SEC22A: variants seen among roughly 807,000 people sequenced by gnomAD.
SEC22A encodes the protein vesicle-trafficking protein SEC22a.
Under a neutral mutation model 35.3 loss-of-function variants are expected in SEC22A, and 22 were observed. The ratio of observed to expected loss-of-function variants is 0.62; its 90% CI spans 0.45 to 0.89. The LOEUF (loss-of-function observed/expected upper bound fraction) is 0.89. Ranked by LOEUF, SEC22A falls within the 40% of genes least tolerant of loss-of-function variation. The probability of loss-of-function intolerance (pLI) is 0.00; values close to 1 mark genes in which losing one functional copy is unlikely to be tolerated. For synonymous variants in SEC22A, 119 were observed against 129.5 expected, an observed-to-expected ratio of 0.92 and a Z score of 0.55; for missense variants, 354 against 362.5, an observed-to-expected ratio of 0.98 and a Z score of 0.19.
At chr3:123,261,816 C>T (rs1357417827) in intron 6 of SEC22A, among the ~76,000 whole-genome samples, 1 of 152,176 alleles carries the variant, frequency 6.6e-6, no homozygotes, top group Non-Finnish European at 1.5e-5. Flanking sequence ...AAACCCAGAT[C>T]TTTGTGACTT....
At chr3:123,257,814 C>A (rs887273574) in intron 5 of SEC22A, among the ~76,000 whole-genome samples, 6 of 151,658 alleles carry the variant, frequency 4.0e-5, no homozygotes, top group African/African-American at 1.2e-4. Context: ...CGCAGTGAAA[C>A]CCCATCTCTA....
At chr3:123,222,948 C>T (rs1000857138) in intron 2 of SEC22A, among the ~76,000 whole-genome samples, 14 of 152,224 alleles carry the variant, frequency 9.2e-5, no homozygotes, top group African/African-American at 2.7e-4. Flanking sequence ...ACTTCCTCTA[C>T]GTTTACCAGT....
chr3:123,226,774 C>T (rs959982778), intron 4 of SEC22A, among the ~76,000 whole-genome samples: 1 of 152,158 alleles, frequency 6.6e-6, no homozygotes, highest in African/African-American at 2.4e-5. Context: ...GGGTATTACT[C>T]AAGAGATCTT....
chr3:123,259,710 T>C (rs1937834400), intron 6 of SEC22A, 121 bp downstream of exon 6: 2 of 727,676 alleles, frequency 2.7e-6, no homozygotes, highest in East Asian at 5.4e-5. Flanking sequence ...TCTCTTTTAA[T>C]TTGAGCCTCT....
chr3:123,271,009 C>T (rs1938147705), intron 6 of SEC22A, among the ~76,000 whole-genome samples: 2 of 152,170 alleles, frequency 1.3e-5, no homozygotes, highest in African/African-American at 4.8e-5. Flanking sequence ...AATGAATTCT[C>T]CCTCAAATGT....
intron 6 of SEC22A, among the ~76,000 whole-genome samples, chr3:123,266,589 CTTG>C (rs1315677294): frequency 2.6e-5 from 4 of 151,958 alleles, no homozygotes; most frequent in Admixed American, 6.5e-5. Context: ...TGAAGATTTT[CTTG>C]TTATCTTTCC....
chr3:123,215,795 A>G (rs1051849283), intron 2 of SEC22A, among the ~76,000 whole-genome samples: 2 of 152,150 alleles, frequency 1.3e-5, no homozygotes, highest in African/African-American at 4.8e-5. Context: ...AATTCTCCCA[A>G]TTCTTTTCAC....
At chr3:123,263,991 G>A (rs1937962037) in intron 6 of SEC22A, among the ~76,000 whole-genome samples, 1 of 151,892 alleles carries the variant, frequency 6.6e-6, no homozygotes, top group South Asian at 2.1e-4. Flanking sequence ...TGCCATCACA[G>A]CCTCACCGCA....
chr3:123,231,680 T>G (rs1241331409), intron 4 of SEC22A, among the ~76,000 whole-genome samples: 1 of 151,988 alleles, frequency 6.6e-6, no homozygotes, highest in Non-Finnish European at 1.5e-5. Context: ...AAAGCTAAAT[T>G]TAGAGGAAAA....
chr3:123,219,438 G>A (rs890218716), intron 2 of SEC22A, among the ~76,000 whole-genome samples: 17 of 152,204 alleles, frequency 1.1e-4, no homozygotes, highest in Non-Finnish European at 1.5e-4. Context: ...ATGGAAGTTG[G>A]TATTGTATTG....
At chr3:123,210,590 A>G (rs544330369) in intron 2 of SEC22A, among the ~76,000 whole-genome samples, 5 of 152,322 alleles carry the variant, frequency 3.3e-5, no homozygotes, top group Admixed American at 6.5e-5. Context: ...GAGGACAAGT[A>G]TAGACATTTA....
At chr3:123,205,802 A>G (rs6438784) in intron 1 of SEC22A, among the ~76,000 whole-genome samples, 4 of 152,076 alleles carry the variant, frequency 2.6e-5, no homozygotes, top group Non-Finnish European at 4.4e-5. Context: ...GCTCTTTTCA[A>G]CTGAGTTTCT....
intron 4 of SEC22A, among the ~76,000 whole-genome samples, chr3:123,244,408 T>A (rs868386071): frequency 6.6e-5 from 10 of 152,220 alleles, no homozygotes; most frequent in African/African-American, 2.4e-4. Flanking sequence ...TTAAAGGCTT[T>A]TATGCCTTTA....
Position 123,224,657 on chromosome 3 carries a change from G to A in SEC22A, c.347-446G>A, listed in dbSNP as rs144889253. Among the ~76,000 whole-genome samples, 700 of 152,230 alleles carry A rather than the reference G, an allele frequency of 4.6e-3. 3 individuals are homozygous for A. The highest frequency in any genetic ancestry group is 0.015 in the African/African-American group (628 of 41,544). ...AATAAATAAATAAACTGGGCATGGT[G>A]GCTCACACCAGTAGCCCCAGCTGCT... is the stretch of plus-strand genomic sequence containing the variant. On this transcript the variant is annotated intron_variant, in intron 3 of 6. Coordinates refer to ENST00000492595, the MANE Select transcript of SEC22A (RefSeq NM_012430.5).
chr3:123,260,399 C>T (rs1477461843), intron 6 of SEC22A, among the ~76,000 whole-genome samples: 1 of 152,052 alleles, frequency 6.6e-6, no homozygotes, highest in Non-Finnish European at 1.5e-5. Flanking sequence ...TGAAAGCCAA[C>T]ATATGGTAAT....
chr3:123,265,084 T>C (rs1002160266), intron 6 of SEC22A, among the ~76,000 whole-genome samples: 1 of 152,222 alleles, frequency 6.6e-6, no homozygotes, highest in African/African-American at 2.4e-5. Flanking sequence ...TGGAAACATA[T>C]TGCATCCATA....
At chr3:123,223,807 A>T in intron 3 of SEC22A, 85 bp downstream of exon 3, 1 of 925,880 alleles carries the variant, frequency 1.1e-6, no homozygotes, top group Non-Finnish European at 1.6e-6. Flanking sequence ...TGGAGGGGGG[A>T]CTTCTGCTAT....
chr3:123,271,481 C>T (rs1559766976), intron 6 of SEC22A, 41 bp from the exon 7 acceptor site: 1 of 1,518,804 alleles, frequency 6.6e-7, no homozygotes, highest in Non-Finnish European at 9.1e-7. Context: ...TGTTTCTTTT[C>T]CTGTAACCCT....
chr3:123,241,459 G>C (rs944075571), intron 4 of SEC22A, among the ~76,000 whole-genome samples: 3 of 152,120 alleles, frequency 2.0e-5, no homozygotes, highest in East Asian at 3.9e-4. Context: ...TTGAGATTTC[G>C]AATGGTACCA....
Sources: allele counts gnomAD v4.1 joint callset (sites outside exome capture counted in the v4.1 genomes callset), GRCh38; gene constraint gnomAD v4.1.1; transcripts MANE v1.5; gene names NCBI Gene and HGNC (gene_info 2026-07-23, HGNC 2026-07-21).